Variants in OPCML observed in about 807,000 individuals in gnomAD.
The protein encoded by OPCML is opioid binding protein/cell adhesion molecule like.
OPCML carries 13 observed loss-of-function variants against 37.8 expected under a neutral mutation model. The ratio of observed to expected loss-of-function variants is 0.34; its 90% CI spans 0.22 to 0.55. OPCML has a LOEUF of 0.55. OPCML is among the 20% of genes least tolerant of loss of function. The probability of loss-of-function intolerance (pLI) is 0.91; values close to 1 mark genes in which losing one functional copy is unlikely to be tolerated. For synonymous variants in OPCML, 176 were observed against 168.8 expected (o/e 1.04, Z -0.33); for missense variants, 341 against 435.6 (o/e 0.78, Z 1.93).
intron 2 of OPCML, among the ~76,000 whole-genome samples, chr11:132,822,270 C>T (rs1030613036): frequency 6.6e-6 from 1 of 152,008 alleles, no homozygotes. Flanking sequence ...TCTCCCACCT[C>T]CCCCCACCGC....
chr11:132,459,624 A>ACC (rs2136902109), intron 4 of OPCML, among the ~76,000 whole-genome samples: 1 of 151,582 alleles, frequency 6.6e-6, no homozygotes, highest in African/African-American at 2.4e-5. Context: ...CCTAATATAG[A>ACC]TTCCTTTTTT....
chr11:132,767,852 A>C (rs1161348508), intron 2 of OPCML, among the ~76,000 whole-genome samples: 1 of 152,172 alleles, frequency 6.6e-6, no homozygotes, highest in African/African-American at 2.4e-5. Context: ...ATATGGGGGA[A>C]AAACCTAGTA....
chr11:132,472,233 T>G (rs1479233381), intron 4 of OPCML, among the ~76,000 whole-genome samples: 1 of 152,264 alleles, frequency 6.6e-6, no homozygotes, highest in Non-Finnish European at 1.5e-5. Context: ...GCTTCCATTA[T>G]TAGACTCTAA....
intron 2 of OPCML, among the ~76,000 whole-genome samples, chr11:132,844,142 C>T (rs1328451223): frequency 6.6e-6 from 1 of 152,172 alleles, no homozygotes; most frequent in African/African-American, 2.4e-5. Context: ...TCCTCCTTGC[C>T]TTCTGCCATG....
At chr11:132,970,191 T>C (rs1946309293) in intron 1 of OPCML, among the ~76,000 whole-genome samples, 1 of 152,200 alleles carries the variant, frequency 6.6e-6, no homozygotes, top group Admixed American at 6.5e-5. Flanking sequence ...ACATGCTTCA[T>C]TATGTGTTTT....
chr11:132,862,672 G>T (rs1268300513), intron 2 of OPCML, among the ~76,000 whole-genome samples: 4 of 152,100 alleles, frequency 2.6e-5, no homozygotes, highest in African/African-American at 9.7e-5. Flanking sequence ...TATTTCGGAC[G>T]TGGCACTACT....
At chr11:133,290,738 G>A (rs1942451699) in intron 1 of OPCML, among the ~76,000 whole-genome samples, 1 of 152,256 alleles carries the variant, frequency 6.6e-6, no homozygotes, top group South Asian at 2.1e-4. Context: ...GCATGCCCTG[G>A]CTTCCCAGAA....
intron 1 of OPCML, among the ~76,000 whole-genome samples, chr11:133,231,274 G>A (rs932195867): frequency 7.9e-5 from 12 of 152,084 alleles, no homozygotes; most frequent in East Asian, 3.9e-4. Flanking sequence ...CTCTTCTACC[G>A]CTTGATGAGT....
At chr11:132,745,580 A>AAAAAAAAAAAG (rs1555183231) in intron 2 of OPCML, among the ~76,000 whole-genome samples, 2 of 87,552 alleles carry the variant, frequency 2.3e-5, no homozygotes, top group Admixed American at 1.0e-4. Context: ...AAAAAAAAAA[A>AAAAAAAAAAAG]AAAGAAAGAA....
At chr11:132,440,752 C>T (rs1457898564) in intron 4 of OPCML, among the ~76,000 whole-genome samples, 1 of 152,212 alleles carries the variant, frequency 6.6e-6, no homozygotes, top group Non-Finnish European at 1.5e-5. Context: ...TGAAACTTCT[C>T]TCCATCTCAG....
chr11:132,434,325 G>C (rs894542835), intron 7 of OPCML, among the ~76,000 whole-genome samples: 2 of 152,208 alleles, frequency 1.3e-5, no homozygotes, highest in Non-Finnish European at 2.9e-5. Context: ...ATGTGAATGA[G>C]ATTGACATCT....
chr11:132,659,578 T>C (rs1219132519), intron 2 of OPCML, among the ~76,000 whole-genome samples: 1 of 152,232 alleles, frequency 6.6e-6, no homozygotes, highest in Non-Finnish European at 1.5e-5. Context: ...TAATTTTGCT[T>C]AGTTATGTAA....
At chr11:132,646,362 G>A (rs1941151964) in intron 3 of OPCML, among the ~76,000 whole-genome samples, 1 of 152,182 alleles carries the variant, frequency 6.6e-6, no homozygotes, top group Non-Finnish European at 1.5e-5. Context: ...AGACGGTTTG[G>A]CCCTGGATTG....
At chr11:133,036,706 G>C (rs1947790018) in intron 1 of OPCML, among the ~76,000 whole-genome samples, 1 of 152,172 alleles carries the variant, frequency 6.6e-6, no homozygotes, top group Non-Finnish European at 1.5e-5. Flanking sequence ...AAAATATTTT[G>C]ATCTCTGAGA....
chr11:133,311,956 T>C (rs1943076676), intron 1 of OPCML, among the ~76,000 whole-genome samples: 1 of 152,006 alleles, frequency 6.6e-6, no homozygotes, highest in Non-Finnish European at 1.5e-5. Flanking sequence ...TTGAGGCCCA[T>C]CATTCACTGC....
At position 133,383,965 on chromosome 11, in the gene OPCML, C is replaced by T. The variant is rs1944985131; in HGVS notation, c.61+148299G>A. ...CACCAAGGTACACGGACTCCTCTCCCTACGCACAGAGGGACATCCCGGCAG... is the reference window on the plus strand; with the variant it reads ...CACCAAGGTACACGGACTCCTCTCCTTACGCACAGAGGGACATCCCGGCAG... On this transcript the variant is annotated intron_variant, in intron 1 of 7. Coordinates refer to ENST00000524381, the MANE Select transcript of OPCML (RefSeq NM_001012393.5). Among the ~76,000 whole-genome samples, 3 of 152,058 alleles carry T rather than the reference C, an allele frequency of 2.0e-5. No homozygotes were observed. The South Asian group carries it at 6.2e-4, about 32-fold the overall frequency.
At chr11:132,934,719 A>G (rs1945315923) in intron 2 of OPCML, among the ~76,000 whole-genome samples, 1 of 151,206 alleles carries the variant, frequency 6.6e-6, no homozygotes, top group Non-Finnish European at 1.5e-5. Flanking sequence ...TCTCTCTGCT[A>G]CTCTCTCCTT....
intron 1 of OPCML, among the ~76,000 whole-genome samples, chr11:133,167,527 C>CTT (rs67384165): frequency 0.022 from 3,100 of 143,482 alleles, 115 homozygotes; most frequent in African/African-American, 0.075. Context: ...CTTTCTTTCT[C>CTT]TTTTTTTTTT....
chr11:132,824,476 C>T (rs1341495207), intron 2 of OPCML, among the ~76,000 whole-genome samples: 1 of 152,188 alleles, frequency 6.6e-6, no homozygotes, highest in Non-Finnish European at 1.5e-5. Context: ...TTCATCCTCA[C>T]TTTTTATCAT....
Sources: allele counts gnomAD v4.1 joint callset (sites outside exome capture counted in the v4.1 genomes callset), GRCh38; gene constraint gnomAD v4.1.1; transcripts MANE v1.5; gene names NCBI Gene and HGNC (gene_info 2026-07-23, HGNC 2026-07-21).